The following HIVEP3 variants were observed in gnomAD, a reference collection of about 807,000 sequenced individuals.
The protein encoded by HIVEP3 is transcription factor HIVEP3.
A neutral mutation model predicts 152.8 loss-of-function variants in HIVEP3; 49 were observed. The observed-to-expected ratio is 0.32, with a 90% CI of 0.26 to 0.41. The LOEUF is 0.41. HIVEP3 is among the 10% of genes least tolerant of loss of function. The pLI is 1.00. For missense variants in HIVEP3, 2,790 were observed against 3,103.3 expected, an observed-to-expected ratio of 0.90 and a Z score of 2.40; for synonymous variants, 1,269 against 1,289.0, an observed-to-expected ratio of 0.98 and a Z score of 0.33.
At chr1:41,739,922 A>T (rs1475386280) in intron 1 of HIVEP3, among the ~76,000 whole-genome samples, 1 of 152,190 alleles carries the variant, frequency 6.6e-6, no homozygotes, top group Non-Finnish European at 1.5e-5. Flanking sequence ...GCATTTCCAA[A>T]GTGTTTTCAC....
At chr1:41,974,945 G>A (rs543141584) in intron 1 of HIVEP3, among the ~76,000 whole-genome samples, 1 of 152,216 alleles carries the variant, frequency 6.6e-6, no homozygotes, top group South Asian at 2.1e-4. Context: ...CTGAGGTATG[G>A]AATTCTCTCC....
chr1:41,527,299 A>G (rs1389485450), intron 5 of HIVEP3, among the ~76,000 whole-genome samples: 4 of 74,796 alleles, frequency 5.3e-5, no homozygotes, highest in African/African-American at 2.3e-4. Flanking sequence ...ACACCCTCAC[A>G]CCCTCACACT....
intron 1 of HIVEP3, among the ~76,000 whole-genome samples, chr1:41,704,527 C>G (rs1212973861): frequency 6.6e-6 from 1 of 152,254 alleles, no homozygotes; most frequent in Non-Finnish European, 1.5e-5. Flanking sequence ...GCTACAGACC[C>G]TTCCTTTACT....
At chr1:41,971,219 T>C (rs1445787332) in intron 1 of HIVEP3, among the ~76,000 whole-genome samples, 1 of 152,190 alleles carries the variant, frequency 6.6e-6, no homozygotes, top group African/African-American at 2.4e-5. Context: ...AGTTATTCAC[T>C]TGGACCACAG....
intron 1 of HIVEP3, among the ~76,000 whole-genome samples, chr1:41,703,414 C>A (rs974029365): frequency 6.6e-6 from 1 of 152,226 alleles, no homozygotes; most frequent in Non-Finnish European, 1.5e-5. Context: ...TGTATGAACT[C>A]TGATCCCAGA....
At chr1:41,575,436 C>A in intron 5 of HIVEP3, 108 bp downstream of exon 5, 2 of 1,201,246 alleles carry the variant, frequency 1.7e-6, no homozygotes, top group South Asian at 2.7e-5. Flanking sequence ...CCACAGGGCA[C>A]CTGTGGGCAG....
intron 1 of HIVEP3, among the ~76,000 whole-genome samples, chr1:41,954,472 T>G (rs1260285474): frequency 1.3e-5 from 2 of 152,252 alleles, no homozygotes; most frequent in African/African-American, 4.8e-5. Context: ...CAAGGAGGCC[T>G]TCAGAGACTT....
chr1:41,815,792 A>C (rs1651227886), intron 1 of HIVEP3, among the ~76,000 whole-genome samples: 1 of 151,354 alleles, frequency 6.6e-6, no homozygotes, highest in South Asian at 2.1e-4. Flanking sequence ...TTTTTGAGAC[A>C]GAAGTCTCTC....
chr1:41,733,536 G>A (rs1027635648), intron 1 of HIVEP3, among the ~76,000 whole-genome samples: 1 of 152,240 alleles, frequency 6.6e-6, no homozygotes, highest in Non-Finnish European at 1.5e-5. Context: ...GCTCACCTGA[G>A]AGTTGGTGGT....
In HIVEP3 at chr1:41,664,525, TG is replaced by T. The variant is rs1157561568; in HGVS notation, c.-720-35579del. On this transcript the variant is annotated intron_variant, in intron 2 of 8. Coordinates refer to ENST00000372583, the MANE Select transcript of HIVEP3 (RefSeq NM_024503.5). This position sits in a 1 kb window ranked among gnomAD's most constrained non-coding sequence, Gnocchi z 4.4. ...ATCACCTCACATTGAAGTCAGTTAT[TG>T]GGGGCCTCCTCTTCCTCAGACTGGG... Among the ~76,000 whole-genome samples the T allele has an allele frequency of 6.6e-6, 1 of 152,200 alleles. No individual in the cohort carries two copies. Among genetic ancestry groups the T allele is most frequent in the Non-Finnish European group, 1.5e-5 (1 of 68,040 alleles).
chr1:41,673,089 C>T (rs190104594), intron 2 of HIVEP3, among the ~76,000 whole-genome samples: 4 of 152,290 alleles, frequency 2.6e-5, no homozygotes, highest in African/African-American at 9.6e-5. Flanking sequence ...CCCAGGCTGG[C>T]GGTCCCCCTG....
intron 5 of HIVEP3, among the ~76,000 whole-genome samples, chr1:41,561,987 G>A (rs1300073169): frequency 6.6e-6 from 1 of 152,162 alleles, no homozygotes; most frequent in African/African-American, 2.4e-5. Flanking sequence ...AATCACGCTA[G>A]TGGAGGCAAG....
chr1:41,860,858 A>G (rs480872), intron 1 of HIVEP3, among the ~76,000 whole-genome samples: 7,032 of 152,288 alleles, frequency 0.046, 537 homozygotes, highest in African/African-American at 0.16. Context: ...TCCTGTGGGC[A>G]CACCTTAAGC....
chr1:41,547,871 G>A (rs1643842632), intron 5 of HIVEP3, among the ~76,000 whole-genome samples: 3 of 151,998 alleles, frequency 2.0e-5, no homozygotes, highest in Non-Finnish European at 4.4e-5. Context: ...CTGACCATGG[G>A]CTCCCAGGCC....
chr1:41,663,462 G>A lies in HIVEP3; in HGVS notation c.-720-34515C>T, dbSNP rs1360698234. Among the ~76,000 whole-genome samples the A allele has an allele frequency of 3.9e-5, 6 of 152,214 alleles. No homozygotes were observed. In the East Asian group the frequency reaches 1.2e-3, roughly 29 times the overall value. On this transcript the variant is annotated intron_variant, in intron 2 of 8. Transcript: ENST00000372583. ...AGCACTATGCTGACCCAAGTTTCCA[G>A]GGGGATCCTTGGAGGCTCCAGGTTT...
At chr1:42,028,555 C>A (rs1645595019) in intron 1 of HIVEP3, among the ~76,000 whole-genome samples, 1 of 152,170 alleles carries the variant, frequency 6.6e-6, no homozygotes, top group African/African-American at 2.4e-5. Context: ...GTGTCCAAAT[C>A]CCAAATCTGA....
chr1:41,846,056 T>G (rs908449103), intron 1 of HIVEP3, among the ~76,000 whole-genome samples: 4 of 152,076 alleles, frequency 2.6e-5, no homozygotes, highest in African/African-American at 4.8e-5. Flanking sequence ...AGAGTGAGAC[T>G]CCATCTCAAA....
At chr1:41,913,798 CGT>C (rs762384424) in intron 1 of HIVEP3, among the ~76,000 whole-genome samples, 1 of 152,190 alleles carries the variant, frequency 6.6e-6, no homozygotes, top group Non-Finnish European at 1.5e-5. Context: ...AGGAGCATAT[CGT>C]GTGTTTATAA....
chr1:41,693,736 T>C (rs139626032), intron 2 of HIVEP3, among the ~76,000 whole-genome samples: 305 of 152,352 alleles, frequency 2.0e-3, no homozygotes, highest in African/African-American at 6.9e-3. Flanking sequence ...GACACAAATA[T>C]TCCCTCGTTG....
Sources: allele counts gnomAD v4.1 joint callset (sites outside exome capture counted in the v4.1 genomes callset), GRCh38; gene constraint gnomAD v4.1.1; non-coding constraint Gnocchi (gnomAD v3.1); transcripts MANE v1.5; gene names NCBI Gene and HGNC (gene_info 2026-07-23, HGNC 2026-07-21).